Variants in BRWD1 observed in about 807,000 individuals in gnomAD.
BRWD1 encodes the protein bromodomain and WD repeat-containing protein 1.
BRWD1 carries 82 observed loss-of-function variants against 251.2 expected under a neutral mutation model. The ratio of observed to expected loss-of-function variants is 0.33; its 90% CI spans 0.27 to 0.39. The LOEUF (loss-of-function observed/expected upper bound fraction) is 0.39. BRWD1 is among the 10% of genes least tolerant of loss of function. The probability of loss-of-function intolerance (pLI) is 1.00; values close to 1 mark genes in which losing one functional copy is unlikely to be tolerated. For missense variants in BRWD1, 2,233 were observed against 2,711.6 expected (o/e 0.82, Z 3.92); for synonymous variants, 918 against 902.8 (o/e 1.02, Z -0.30).
At chr21:39,215,600 T>C (rs2032856017) in intron 31 of BRWD1, among the ~76,000 whole-genome samples, 1 of 152,180 alleles carries the variant, frequency 6.6e-6, no homozygotes. Context: ...CTTAATCACA[T>C]ACAGAAAACC....
intron 8 of BRWD1, among the ~76,000 whole-genome samples, chr21:39,284,051 T>C (rs778134376): frequency 2.6e-4 from 40 of 152,216 alleles, no homozygotes; most frequent in Non-Finnish European, 5.1e-4. Context: ...CACAGGCTCA[T>C]GAGCTTAAGA....
At chr21:39,298,619 T>A (rs1439683432) in intron 4 of BRWD1, 37 bp from the exon 5 acceptor site, 2 of 1,508,628 alleles carry the variant, frequency 1.3e-6, no homozygotes, top group Admixed American at 2.2e-5. Context: ...AACAGCTTAA[T>A]AATATCAAAA....
chr21:39,232,570 AAG>A, intron 23 of BRWD1, 72 bp from the exon 24 acceptor site: 1 of 1,521,394 alleles, frequency 6.6e-7, no homozygotes, highest in Non-Finnish European at 8.8e-7. Context: ...TGAAAAATAA[AAG>A]AAACTTTCAC....
chr21:39,297,310 C>T (rs1163316302), intron 5 of BRWD1: 2 of 985,306 alleles, frequency 2.0e-6, no homozygotes, highest in African/African-American at 1.7e-5. Flanking sequence ...GATTCATTAC[C>T]ACTATCATGA....
intron 15 of BRWD1, among the ~76,000 whole-genome samples, chr21:39,268,442 CAAA>C (rs35682732): frequency 5.5e-5 from 6 of 109,224 alleles, no homozygotes; most frequent in African/African-American, 7.2e-5. Flanking sequence ...ACTCCATCTC[CAAA>C]AAAAAAAAAA....
At chr21:39,217,833 C>T (rs1219226484) in intron 31 of BRWD1, among the ~76,000 whole-genome samples, 1 of 151,998 alleles carries the variant, frequency 6.6e-6, no homozygotes, top group Non-Finnish European at 1.5e-5. Flanking sequence ...TGTCTTCAAT[C>T]ATGTATGAGG....
intron 34 of BRWD1, 21 bp from the exon 35 acceptor site, chr21:39,210,950 T>A (rs2032628650): frequency 6.2e-7 from 1 of 1,604,032 alleles, no homozygotes; most frequent in Non-Finnish European, 8.5e-7. Flanking sequence ...ATTCACAGTC[T>A]TAAGAAAAAT....
Position 39,199,009 on chromosome 21 carries a change from A to G in BRWD1, c.5407T>C (p.Tyr1803His). The G allele has an allele frequency of 1.2e-6, 2 of 1,613,934 alleles. No individual in the cohort carries two copies. The highest frequency in any genetic ancestry group is 1.7e-6 in the Non-Finnish European group (2 of 1,179,978). The part of the protein sequence containing the change: ...SEPGRSGGRK[Y>H]NTFHKNASFF... ...CTCGCATTCTTGTGAAATGTATTGT[A>G]TTTCCTACCACCAGATCTTCCTGGT... The change falls in exon 40 of 41, where the codon TAC becomes CAC. Residue 1803 changes from tyrosine (Y) to histidine (H), a missense_variant. Coordinates refer to ENST00000342449, the MANE Select transcript of BRWD1 (RefSeq NM_033656.4).
At chr21:39,185,122 A>G (rs2031139026), downstream of BRWD1, 1 of 152,104 alleles carries the variant, frequency 6.6e-6, no homozygotes, top group Non-Finnish European at 1.5e-5. Context: ...AGTTACAATA[A>G]GTTTAGGCCA....
At chr21:39,261,634 T>A (rs116759878) in intron 17 of BRWD1, among the ~76,000 whole-genome samples, 352 of 152,240 alleles carry the variant, frequency 2.3e-3, no homozygotes, top group African/African-American at 8.2e-3. Context: ...AGGTTGCAGA[T>A]ACACCTATGG....
intron 29 of BRWD1, among the ~76,000 whole-genome samples, chr21:39,220,084 C>A (rs114429908): frequency 2.6e-5 from 4 of 151,798 alleles, no homozygotes; most frequent in Non-Finnish European, 5.9e-5. Context: ...CACATCTATA[C>A]CACCTAAAAA....
chr21:39,286,234 G>A (rs2035634565), intron 8 of BRWD1, among the ~76,000 whole-genome samples: 1 of 151,952 alleles, frequency 6.6e-6, no homozygotes, highest in Admixed American at 6.6e-5. Context: ...TAGCCAGGAT[G>A]GTCTCCATCT....
intron 15 of BRWD1, among the ~76,000 whole-genome samples, chr21:39,265,249 C>T (rs191533807): frequency 5.7e-4 from 86 of 152,038 alleles, no homozygotes; most frequent in African/African-American, 1.6e-3. Flanking sequence ...CATGGTGAAA[C>T]CCTGTCTCTA....
chr21:39,293,772 A>T lies in BRWD1; in HGVS notation c.831+39T>A, dbSNP rs760454538. On this transcript the variant is annotated intron_variant, in intron 8 of 40. Coordinates refer to ENST00000342449, the MANE Select transcript of BRWD1 (RefSeq NM_033656.4). Reference sequence around the variant, plus strand: ...AAACTGTTTTAAAGAAAAAGGTGAAAATACATATAGGAATGTGCCCACTAA... The same window carrying T: ...AAACTGTTTTAAAGAAAAAGGTGAATATACATATAGGAATGTGCCCACTAA... 4.6e-6 allele frequency: 7 copies of T among 1,512,748 alleles called. No individual in the cohort carries two copies. The Admixed American group carries it at 7.0e-5, about 15-fold the overall frequency. 93.7% of individuals were successfully genotyped at this position (1,512,748 alleles called of 1,614,324 possible).
chr21:39,211,171 A>G (rs1390654744), intron 34 of BRWD1, among the ~76,000 whole-genome samples: 1 of 152,336 alleles, frequency 6.6e-6, no homozygotes, highest in Non-Finnish European at 1.5e-5. Flanking sequence ...ACAAGAGCAC[A>G]TTATCTAGTG....
intron 1 of BRWD1, among the ~76,000 whole-genome samples, chr21:39,320,620 A>G (rs2036737370): frequency 6.7e-6 from 1 of 150,062 alleles, no homozygotes; most frequent in African/African-American, 2.5e-5. Context: ...AGGTGTGACT[A>G]CCATACCCAA....
intron 13 of BRWD1, among the ~76,000 whole-genome samples, chr21:39,270,776 T>A (rs926014748): frequency 3.3e-5 from 5 of 152,234 alleles, no homozygotes; most frequent in African/African-American, 1.2e-4. Flanking sequence ...TTCAACTGTT[T>A]CTCTCCATAG....
upstream of BRWD1, chr21:39,313,750 A>C (rs2036613813): frequency 7.9e-6 from 3 of 379,248 alleles, no homozygotes; most frequent in Non-Finnish European, 9.5e-6. Flanking sequence ...CCGCCCGGGG[A>C]GGCGAACCTC....
chr21:39,210,788 G>C lies in BRWD1; in HGVS notation c.4042C>G (p.Pro1348Ala). The change falls in exon 35 of 41, where the codon CCA becomes GCA. Residue 1348 changes from proline to alanine, a missense_variant and splice_region_variant. Physicochemically the swap from Pro to Ala is conservative, Grantham distance 27. Transcript: ENST00000342449. ...ACATTTAAACAATGGAAACTTACTG[G>C]ATATTCAACCAAATCAACAGGTTGT... is the stretch of plus-strand genomic sequence containing the variant. ...FRQPVDLVEYPDYRDIIDTPM... is the reference protein window; with the variant it reads ...FRQPVDLVEYADYRDIIDTPM... 6.2e-7 allele frequency: 1 copy of C among 1,602,344 alleles called. No individual in the cohort carries two copies. Among genetic ancestry groups the C allele is most frequent in the Non-Finnish European group, 8.5e-7 (1 of 1,176,350 alleles).
Sources: allele counts gnomAD v4.1 joint callset (sites outside exome capture counted in the v4.1 genomes callset), GRCh38; gene constraint gnomAD v4.1.1; transcripts MANE v1.5; gene names NCBI Gene and HGNC (gene_info 2026-07-23, HGNC 2026-07-21).